Variants in KBTBD12 observed in about 807,000 individuals in gnomAD.
KBTBD12 encodes kelch repeat and BTB domain containing 12, also known as kelch repeat and BTB domain-containing protein 12.
Under a neutral mutation model 58.7 loss-of-function variants are expected in KBTBD12, and 53 were observed. The ratio of observed to expected loss-of-function variants is 0.90; its 90% CI spans 0.72 to 1.14. KBTBD12 has a LOEUF of 1.14. Among genes scored for constraint, KBTBD12 ranks in the 50% most tolerant of loss-of-function variants. The pLI, the probability that KBTBD12 is intolerant of heterozygous loss-of-function variation, is 0.00. For synonymous variants in KBTBD12, 236 were observed against 259.8 expected (o/e 0.91, Z 0.88); for missense variants, 704 against 751.3 (o/e 0.94, Z 0.74).
rs1056910855 is a variant in KBTBD12, at chr3:127,963,417, C to G, written c.1690+31C>G. 3.2e-6 allele frequency: 5 copies of G among 1,538,958 alleles called. No homozygotes were observed. In the Admixed American group the frequency reaches 7.8e-5, roughly 24 times the overall value. On this transcript the variant is annotated intron_variant, in intron 5 of 5. Coordinates refer to ENST00000405109, the MANE Select transcript of KBTBD12 (RefSeq NM_207335.4). ...GGTCCAGTTTTAAACATTTTGTTAC[C>G]TCCTTTGGTGTTGATTTGACTTTCT...
rs1940945228 is a variant in KBTBD12, at chr3:127,985,255, C to T, written c.*977C>T. ...GAGGACAGGGGAAGAAGCATCTCCTCCAGCTGCTGCCAACCCCATGGCCCG... is the reference window on the plus strand; with the variant it reads ...GAGGACAGGGGAAGAAGCATCTCCTTCAGCTGCTGCCAACCCCATGGCCCG... On this transcript the variant is annotated 3_prime_UTR_variant, in exon 6 of 6. Coordinates refer to ENST00000405109, the MANE Select transcript of KBTBD12 (RefSeq NM_207335.4). 2 of 152,362 alleles carry T rather than the reference C, an allele frequency of 1.3e-5. No individual in the cohort carries two copies. Among genetic ancestry groups the T allele is most frequent in the South Asian group, 4.1e-4 (2 of 4,824 alleles). 9.4% of individuals were successfully genotyped at this position (152,362 alleles called of 1,614,324 possible).
intron 3 of KBTBD12, 132 bp from the exon 4 acceptor site, chr3:127,930,001 G>A: frequency 4.1e-6 from 3 of 723,058 alleles, no homozygotes; most frequent in Middle Eastern, 7.6e-4. Context: ...GGTTTGGTGT[G>A]TTTGTGAGTA....
At chr3:127,967,063 T>C (rs1448139458) in intron 5 of KBTBD12, among the ~76,000 whole-genome samples, 3 of 152,180 alleles carry the variant, frequency 2.0e-5, no homozygotes, top group Non-Finnish European at 4.4e-5. Flanking sequence ...TTCTCCTGTG[T>C]GCCCTTTTAT....
At chr3:127,916,978 TTGTC>T (rs1939258041) in intron 1 of KBTBD12, among the ~76,000 whole-genome samples, 1 of 152,188 alleles carries the variant, frequency 6.6e-6, no homozygotes, top group Non-Finnish European at 1.5e-5. Flanking sequence ...ACAGAACTGT[TTGTC>T]TGCTGCTCTC....
At chr3:127,961,501 G>GA (rs1345547251) in intron 4 of KBTBD12, among the ~76,000 whole-genome samples, 1 of 152,104 alleles carries the variant, frequency 6.6e-6, no homozygotes, top group African/African-American at 2.4e-5. Context: ...TCAGCAAAGA[G>GA]AAAAAAAGAC....
At position 127,984,258 on chromosome 3, in the gene KBTBD12, G is replaced by A. The variant is rs747067283; in HGVS notation, c.1852G>A (p.Glu618Lys). The change falls in exon 6 of 6, where the codon GAA (glutamate) becomes AAA (lysine). Residue 618 changes from glutamate to lysine, a missense_variant. Physicochemically the swap from Glu to Lys is moderately conservative, Grantham distance 56 (BLOSUM62 1). Coordinates refer to ENST00000405109, the MANE Select transcript of KBTBD12 (RefSeq NM_207335.4). ...DLIPPPSDLVEEGNEH is the reference protein window; with the variant it reads ...DLIPPPSDLVKEGNEH ...CATCCCCCCGCCTTCAGATTTGGTGGAAGAAGGCAATGAGCACTAAGGTGA... is the reference window on the plus strand; with the variant it reads ...CATCCCCCCGCCTTCAGATTTGGTGAAAGAAGGCAATGAGCACTAAGGTGA... The A allele has an allele frequency of 3.1e-6, 5 of 1,613,740 alleles. No homozygotes were observed. The South Asian group carries it at 5.5e-5, about 18-fold the overall frequency.
At chr3:127,944,050 T>C (rs1940017862) in intron 4 of KBTBD12, among the ~76,000 whole-genome samples, 1 of 152,194 alleles carries the variant, frequency 6.6e-6, no homozygotes, top group African/African-American at 2.4e-5. Flanking sequence ...ATGTGTCTGT[T>C]TTTATTGCCA....
intron 4 of KBTBD12, among the ~76,000 whole-genome samples, chr3:127,933,087 T>C (rs931729997): frequency 6.6e-6 from 1 of 152,138 alleles, no homozygotes; most frequent in African/African-American, 2.4e-5. Context: ...CAACATTCTA[T>C]ACTTAAAAAT....
At chr3:127,974,625 A>C (rs1052521339) in intron 5 of KBTBD12, among the ~76,000 whole-genome samples, 1 of 152,238 alleles carries the variant, frequency 6.6e-6, no homozygotes, top group Admixed American at 6.5e-5. Context: ...TCCCTGTTCC[A>C]TACATCTGAC....
intron 4 of KBTBD12, among the ~76,000 whole-genome samples, chr3:127,958,766 G>T (rs936805744): frequency 2.6e-5 from 4 of 152,078 alleles, no homozygotes; most frequent in African/African-American, 9.7e-5. Context: ...ATCTGTGTGG[G>T]GTAGCAAACA....
chr3:127,968,790 A>C (rs1282061489), intron 5 of KBTBD12, among the ~76,000 whole-genome samples: 1 of 152,216 alleles, frequency 6.6e-6, no homozygotes, highest in Non-Finnish European at 1.5e-5. Flanking sequence ...GTTGAAGGAA[A>C]AAAAAAAGAA....
In KBTBD12 at chr3:127,984,103, A is replaced by G. The variant is rs752198918; in HGVS notation, c.1697A>G (p.His566Arg). Residue 566 changes from histidine to arginine, a missense_variant, in exon 6 of 6, where the codon CAT becomes CGT. Physicochemically the swap from His to Arg is conservative, Grantham distance 29. Coordinates refer to ENST00000405109, the MANE Select transcript of KBTBD12 (RefSeq NM_207335.4). The part of the protein sequence containing the change: ...VCGGFHGADR[H>R]EVISKEILEL... ...CCACTTTGCTGTTTTTCAGATCGCC[A>G]TGAGGTTATCTCCAAAGAAATATTG... is the stretch of plus-strand genomic sequence containing the variant. 67 of 1,612,882 alleles carry G rather than the reference A, an allele frequency of 4.2e-5. No homozygotes were observed. Among genetic ancestry groups the G allele is most frequent in the Non-Finnish European group, 5.4e-5 (64 of 1,179,570 alleles).
At chr3:127,927,054 T>C (rs926771865) in intron 2 of KBTBD12, among the ~76,000 whole-genome samples, 1 of 152,100 alleles carries the variant, frequency 6.6e-6, no homozygotes, top group African/African-American at 2.4e-5. Context: ...TCAGTTAATG[T>C]GTTGGACTCT....
chr3:127,966,891 C>G (rs1011051649), intron 5 of KBTBD12, among the ~76,000 whole-genome samples: 5 of 152,142 alleles, frequency 3.3e-5, no homozygotes, highest in African/African-American at 1.2e-4. Context: ...CACAAAGTGC[C>G]AAGAATCAGA....
chr3:127,949,683 A>G (rs1452827406), intron 4 of KBTBD12, among the ~76,000 whole-genome samples: 1 of 152,160 alleles, frequency 6.6e-6, no homozygotes, highest in Non-Finnish European at 1.5e-5. Flanking sequence ...GCTCTGTAAG[A>G]CCCTGTCACA....
chr3:127,960,771 A>T (rs1940423434), intron 4 of KBTBD12, among the ~76,000 whole-genome samples: 1 of 152,218 alleles, frequency 6.6e-6, no homozygotes, highest in Non-Finnish European at 1.5e-5. Flanking sequence ...AGCTCATGTC[A>T]CTCCTTGAGT....
intron 4 of KBTBD12, among the ~76,000 whole-genome samples, chr3:127,956,065 C>T (rs1373110121): frequency 6.6e-6 from 1 of 152,192 alleles, no homozygotes. Flanking sequence ...CCTCATGCCT[C>T]CTTGTTCTGA....
intron 4 of KBTBD12, among the ~76,000 whole-genome samples, chr3:127,945,496 T>C (rs1217028976): frequency 6.6e-6 from 1 of 151,680 alleles, no homozygotes; most frequent in Non-Finnish European, 1.5e-5. Context: ...ATAGTAACTA[T>C]CTTAATGGTG....
chr3:127,975,446 A>C (rs1335328841), intron 5 of KBTBD12, among the ~76,000 whole-genome samples: 2 of 152,192 alleles, frequency 1.3e-5, no homozygotes, highest in African/African-American at 4.8e-5. Flanking sequence ...ACCCACCTTC[A>C]AATAAAGAAG....
Sources: allele counts gnomAD v4.1 joint callset (sites outside exome capture counted in the v4.1 genomes callset), GRCh38; gene constraint gnomAD v4.1.1; transcripts MANE v1.5; gene names NCBI Gene and HGNC (gene_info 2026-07-23, HGNC 2026-07-21).